HIPK2: variants seen among roughly 807,000 people sequenced by gnomAD.
The protein encoded by HIPK2 is homeodomain interacting protein kinase 2.
In HIPK2, 27 loss-of-function variants were observed where a neutral mutation model predicts 113.7. The ratio of observed to expected loss-of-function variants is 0.24; its 90% confidence interval spans 0.17 to 0.33. The LOEUF (loss-of-function observed/expected upper bound fraction) is 0.33. HIPK2 is among the 10% of genes least tolerant of loss of function. The pLI is 1.00. For missense variants in HIPK2, 1,257 were observed against 1,588.0 expected, an observed-to-expected ratio of 0.79 and a Z score of 3.54; for synonymous variants, 631 against 642.2, an observed-to-expected ratio of 0.98 and a Z score of 0.26.
intron 1 of HIPK2, among the ~76,000 whole-genome samples, chr7:139,776,603 C>T (rs1306382596): frequency 7.5e-6 from 1 of 133,744 alleles, no homozygotes; most frequent in African/African-American, 4.0e-5. Context: ...CTGAACAAAA[C>T]CGAAAGAAAG....
At position 139,631,712 on chromosome 7, in the gene HIPK2, T is replaced by G; in HGVS notation, c.1117A>C (p.Ile373Leu). 3.1e-6 allele frequency: 5 copies of G among 1,613,694 alleles called. No homozygotes were observed. Among genetic ancestry groups the G allele is most frequent in the Non-Finnish European group, 4.2e-6 (5 of 1,179,728 alleles). ...QSRYYRAPEI[I>L]LGLPFCEAID... ...GCCTCACAAAATGGTAAACCAAGGATGATCTCAGGGGCCCTGAAAAGGAAG... is the reference window on the plus strand; with the variant it reads ...GCCTCACAAAATGGTAAACCAAGGAGGATCTCAGGGGCCCTGAAAAGGAAG... Residue 373 changes from isoleucine (I) to leucine (L), a missense_variant, in exon 3 of 15, where the codon ATC (isoleucine) becomes CTC (leucine). Coordinates refer to ENST00000406875, the MANE Select transcript of HIPK2 (RefSeq NM_022740.5). The surrounding 1 kb of genome is among the most constrained non-coding windows in gnomAD (Gnocchi z 4.9).
chr7:139,723,496 C>T (rs1157635165), intron 1 of HIPK2, among the ~76,000 whole-genome samples: 1 of 152,190 alleles, frequency 6.6e-6, no homozygotes, highest in African/African-American at 2.4e-5. Context: ...ACCCAGCCAA[C>T]TCACACAGTT....
chr7:139,754,535 C>T (rs929699653), intron 1 of HIPK2, among the ~76,000 whole-genome samples: 5 of 152,174 alleles, frequency 3.3e-5, no homozygotes, highest in African/African-American at 1.2e-4. Flanking sequence ...TGTATATACA[C>T]ATAGAAAAGC....
intron 1 of HIPK2, among the ~76,000 whole-genome samples, chr7:139,725,124 G>A (rs150691924): frequency 2.0e-5 from 3 of 152,288 alleles, no homozygotes; most frequent in East Asian, 1.9e-4. Context: ...CTAAGACATC[G>A]TCACCGACCT....
chr7:139,656,027 G>A (rs1478384857), intron 2 of HIPK2, among the ~76,000 whole-genome samples: 1 of 152,050 alleles, frequency 6.6e-6, no homozygotes, highest in Admixed American at 6.5e-5. Context: ...ACCTCAACTC[G>A]CTTTCCAAGT....
chr7:139,674,262 C>T (rs1585363130), intron 2 of HIPK2, among the ~76,000 whole-genome samples: 1 of 152,286 alleles, frequency 6.6e-6, no homozygotes, highest in Non-Finnish European at 1.5e-5. Flanking sequence ...CTCTCATCAG[C>T]TCAGATTTGA....
chr7:139,684,945 A>G (rs1173966065), intron 2 of HIPK2, among the ~76,000 whole-genome samples: 1 of 152,242 alleles, frequency 6.6e-6, no homozygotes, highest in Non-Finnish European at 1.5e-5. Context: ...AGCCTAATCC[A>G]GAACAAATCC....
chr7:139,641,731 C>T (rs970267193), intron 2 of HIPK2, among the ~76,000 whole-genome samples: 3 of 152,144 alleles, frequency 2.0e-5, no homozygotes, highest in Non-Finnish European at 4.4e-5. Flanking sequence ...AGGGTATAGT[C>T]CCTTGCTCAC....
At position 139,572,897 on chromosome 7, in the gene HIPK2, C is replaced by CAA; in HGVS notation, c.*29_*30insTT. On this transcript the variant is annotated 3_prime_UTR_variant, in exon 15 of 15. Transcript: ENST00000406875. ...CCTCCTCCCTCGGGCCATTCTCTCC[C>CAA]TCCCTCCCTCCCTCCCTCCCCTCCA... 7.0e-6 allele frequency: 4 copies of CAA among 571,116 alleles called. 1 individual carries two copies. Among genetic ancestry groups the CAA allele is most frequent in the Non-Finnish European group, 1.3e-5 (4 of 308,982 alleles). 35.4% of individuals were successfully genotyped at this position (571,116 alleles called of 1,614,324 possible).
In HIPK2 at chr7:139,714,932, G is replaced by A. The variant is rs553203823; in HGVS notation, c.1103+1000C>T. 3.9e-5 allele frequency among the ~76,000 whole-genome samples: 6 copies of A among 152,314 alleles called. No homozygotes were observed. The East Asian group carries it at 9.7e-4, about 25-fold the overall frequency. On this transcript the variant is annotated intron_variant, in intron 2 of 14. Coordinates refer to ENST00000406875, the MANE Select transcript of HIPK2 (RefSeq NM_022740.5). The surrounding 1 kb of genome is among the most constrained non-coding windows in gnomAD (Gnocchi z 4.2). ...TTACCTCCCAGCTGCCCACGAGGCT[G>A]GTGAGAGGATTTCTCCCACTTCATG...
intron 1 of HIPK2, among the ~76,000 whole-genome samples, chr7:139,755,311 A>G (rs1036939646): frequency 6.6e-6 from 1 of 152,248 alleles, no homozygotes; most frequent in Admixed American, 6.5e-5. Flanking sequence ...AGAAATACAG[A>G]AAGAACATCA....
intron 1 of HIPK2, among the ~76,000 whole-genome samples, chr7:139,729,167 C>A (rs1235840361): frequency 5.3e-5 from 8 of 151,506 alleles, no homozygotes; most frequent in African/African-American, 1.9e-4. Context: ...CTACAAAAAA[C>A]AAAAAAAATT....
At chr7:139,656,578 CCTGA>C (rs1350558973) in intron 2 of HIPK2, among the ~76,000 whole-genome samples, 1 of 152,196 alleles carries the variant, frequency 6.6e-6, no homozygotes, top group East Asian at 1.9e-4. Flanking sequence ...CAGCCTGCTG[CCTGA>C]CTCACTTTCA....
At chr7:139,767,095 T>G (rs1796565760) in intron 1 of HIPK2, among the ~76,000 whole-genome samples, 1 of 152,188 alleles carries the variant, frequency 6.6e-6, no homozygotes. Context: ...CAAGAAAAGC[T>G]TTCACCAAAA....
chr7:139,630,814 T>C lies in HIPK2; in HGVS notation c.1347+351A>G, dbSNP rs1800584103. ...TCTTGACCAGGAACAGGGCCCTTAC[T>C]ACAGTGGGCGGGAGCTTGTGGCACA... On this transcript the variant is annotated intron_variant, in intron 4 of 14. Transcript: ENST00000406875. This position sits in a 1 kb window ranked among gnomAD's most constrained non-coding sequence, Gnocchi z 4.0. Among the ~76,000 whole-genome samples, 1 of 152,360 alleles carries C rather than the reference T, an allele frequency of 6.6e-6. No individual in the cohort carries two copies. The highest frequency in any genetic ancestry group is 2.1e-4 in the South Asian group (1 of 4,828).
rs370877943 is a variant in HIPK2, at chr7:139,693,706, T to C, written c.1103+22226A>G. 1.5e-4 allele frequency among the ~76,000 whole-genome samples: 22 copies of C among 147,054 alleles called. No homozygotes were observed. In the East Asian group the frequency reaches 2.1e-3, roughly 14 times the overall value. On this transcript the variant is annotated intron_variant, in intron 2 of 14. Transcript: ENST00000406875. ...TATGGGATGCTATGATGTCTTCCTG[T>C]TAAATTTTTGTCCAGAAAAAAAAAA...
intron 10 of HIPK2, among the ~76,000 whole-genome samples, chr7:139,603,861 T>A (rs1345692810): frequency 6.6e-6 from 1 of 152,188 alleles, no homozygotes; most frequent in Non-Finnish European, 1.5e-5. Context: ...CAACCAAGCA[T>A]AAATTAATGA....
chr7:139,574,926 T>C (rs749023466), intron 14 of HIPK2, among the ~76,000 whole-genome samples: 2 of 152,252 alleles, frequency 1.3e-5, no homozygotes, highest in Non-Finnish European at 2.9e-5. Context: ...CAGCACTCTG[T>C]GCACTGGTGA....
intron 12 of HIPK2, among the ~76,000 whole-genome samples, chr7:139,585,047 A>G (rs1446705406): frequency 2.0e-5 from 3 of 152,154 alleles, no homozygotes; most frequent in Non-Finnish European, 4.4e-5. Flanking sequence ...TTTATTGTTT[A>G]TTGTGTGCTT....
Sources: gnomAD v4.1 joint callset for allele counts (sites outside exome capture counted in the v4.1 genomes callset) on GRCh38, gnomAD v4.1.1 for gene constraint, Gnocchi (gnomAD v3.1) non-coding constraint, MANE v1.5 for transcripts, NCBI Gene and HGNC (gene_info 2026-07-23, HGNC 2026-07-21) for gene names.